Variants in ZDHHC2 observed in about 807,000 individuals in gnomAD.
ZDHHC2 encodes zDHHC palmitoyltransferase 2.
ZDHHC2 carries 51 observed loss-of-function variants against 55.6 expected under a neutral mutation model. That is an observed-to-expected ratio of 0.92 (90% CI 0.73 to 1.16). The LOEUF is 1.16. Ranked by LOEUF, ZDHHC2 falls within the 50% of genes most tolerant of loss-of-function variation. The pLI is 0.00. For synonymous variants in ZDHHC2, 199 were observed against 152.9 expected (o/e 1.30, Z -2.22); for missense variants, 491 against 442.4 (o/e 1.11, Z -0.99).
chr8:17,193,586 G>C (rs1415638091), intron 3 of ZDHHC2, among the ~76,000 whole-genome samples: 1 of 152,236 alleles, frequency 6.6e-6, no homozygotes, highest in Non-Finnish European at 1.5e-5. Flanking sequence ...GCAGTCAGTA[G>C]GTAGCAAAGT....
intron 3 of ZDHHC2, among the ~76,000 whole-genome samples, chr8:17,187,072 A>C (rs952375815): frequency 7.2e-5 from 11 of 152,240 alleles, no homozygotes; most frequent in African/African-American, 2.2e-4. Flanking sequence ...ACTTACATTT[A>C]GAAGTTGGTT....
At chr8:17,168,462 AT>A (rs1006556381) in intron 1 of ZDHHC2, among the ~76,000 whole-genome samples, 2 of 151,822 alleles carry the variant, frequency 1.3e-5, no homozygotes, top group Non-Finnish European at 2.9e-5. Context: ...CCTAGAGCAG[AT>A]TTTTTTTTAT....
intron 1 of ZDHHC2, among the ~76,000 whole-genome samples, chr8:17,170,088 T>C (rs1804784140): frequency 1.3e-5 from 2 of 152,170 alleles, no homozygotes; most frequent in African/African-American, 4.8e-5. Context: ...GTGCTGTAGG[T>C]GAATGCAGTG....
chr8:17,179,024 C>T (rs1444150030), intron 1 of ZDHHC2, among the ~76,000 whole-genome samples: 6 of 152,164 alleles, frequency 3.9e-5, no homozygotes, highest in Non-Finnish European at 1.5e-5. Flanking sequence ...GATCACAGCT[C>T]ACTGCAGCCT....
chr8:17,172,566 G>T (rs985764033), intron 1 of ZDHHC2, among the ~76,000 whole-genome samples: 2 of 152,184 alleles, frequency 1.3e-5, no homozygotes, highest in Admixed American at 6.5e-5. Flanking sequence ...AGTTATTTCA[G>T]AGAGTAGATC....
In ZDHHC2 at chr8:17,221,211, C is replaced by T. The variant is rs1201674870; in HGVS notation, c.*990C>T. 6.6e-6 allele frequency: 1 copy of T among 152,422 alleles called. No homozygotes were observed. The highest frequency in any genetic ancestry group is 1.9e-4 in the East Asian group (1 of 5,186). The allele number at this position is 152,422 out of a possible 1,614,324, so 9.4% of individuals were successfully genotyped here. A position where few individuals can be genotyped will look rare whatever the true frequency, so the allele number is the denominator to read the frequency against. On this transcript the variant is annotated 3_prime_UTR_variant, in exon 13 of 13. Transcript: ENST00000262096. ...TATATTTTTCCTTAAACACCTATTACAGTTAAATTATGCAAATCATTAAAT... is the reference window on the plus strand; with the variant it reads ...TATATTTTTCCTTAAACACCTATTATAGTTAAATTATGCAAATCATTAAAT...
chr8:17,179,133 G>C (rs1002777477), intron 1 of ZDHHC2, among the ~76,000 whole-genome samples: 2 of 151,974 alleles, frequency 1.3e-5, no homozygotes, highest in Non-Finnish European at 2.9e-5. Context: ...AAATTTTTTT[G>C]TAGAGATGAT....
chr8:17,191,413 A>G (rs1332627781), intron 3 of ZDHHC2, among the ~76,000 whole-genome samples: 1 of 152,032 alleles, frequency 6.6e-6, no homozygotes, highest in East Asian at 1.9e-4. Context: ...ATTCTTTCTA[A>G]CTTTTTTGGT....
intron 10 of ZDHHC2, among the ~76,000 whole-genome samples, chr8:17,212,630 T>G (rs372886937): frequency 6.6e-6 from 1 of 152,204 alleles, no homozygotes; most frequent in African/African-American, 2.4e-5. Flanking sequence ...GTTTTCTAAC[T>G]GATGTAACAT....
chr8:17,167,073 C>G (rs1433980460), intron 1 of ZDHHC2, among the ~76,000 whole-genome samples: 1 of 152,108 alleles, frequency 6.6e-6, no homozygotes, highest in Non-Finnish European at 1.5e-5. Context: ...TCTTATAGCC[C>G]TGGTATCTAA....
chr8:17,156,825 C>T lies in ZDHHC2; in HGVS notation c.102C>T (p.Tyr34=). ...VFITLLLGWS[Y]YAYAIQLCIV... is the part of the protein sequence containing the mutation. Reference sequence around the variant, plus strand: ...TCACCCTCCTGCTCGGCTGGTCCTACTACGCCTACGCCATCCAGCTGTGCA... The same window carrying T: ...TCACCCTCCTGCTCGGCTGGTCCTATTACGCCTACGCCATCCAGCTGTGCA... The change falls in exon 1 of 13, where the codon TAC becomes TAT. Residue 34 remains tyrosine (Y), a synonymous_variant. Transcript: ENST00000262096. The T allele has an allele frequency of 3.9e-6, 6 of 1,520,294 alleles. No individual in the cohort carries two copies. The highest frequency in any genetic ancestry group is 5.3e-6 in the Non-Finnish European group (6 of 1,132,590). The allele number at this position is 1,520,294 out of a possible 1,614,324, so 94.2% of individuals were successfully genotyped here.
chr8:17,219,253 A>T (rs1188567089), intron 12 of ZDHHC2, among the ~76,000 whole-genome samples: 4 of 7,862 alleles, frequency 5.1e-4, no homozygotes, highest in East Asian at 3.8e-3. Context: ...GCAAGACTCT[A>T]AAAAAAAAAA....
At chr8:17,190,037 C>T (rs1215133780) in intron 3 of ZDHHC2, among the ~76,000 whole-genome samples, 1 of 151,970 alleles carries the variant, frequency 6.6e-6, no homozygotes, top group East Asian at 1.9e-4. Flanking sequence ...GGTGGGAGTG[C>T]CCAGGACTTC....
At chr8:17,201,089 A>T (rs1484935270) in intron 6 of ZDHHC2, among the ~76,000 whole-genome samples, 2 of 152,198 alleles carry the variant, frequency 1.3e-5, no homozygotes, top group Non-Finnish European at 2.9e-5. Flanking sequence ...TAAATAAAAA[A>T]GTCTATAGGT....
intron 10 of ZDHHC2, among the ~76,000 whole-genome samples, chr8:17,214,663 C>A (rs1222212005): frequency 6.6e-6 from 1 of 152,012 alleles, no homozygotes; most frequent in Non-Finnish European, 1.5e-5. Flanking sequence ...AATCCTAGCA[C>A]TTTGGGAGGC....
intron 1 of ZDHHC2, among the ~76,000 whole-genome samples, chr8:17,175,525 T>C (rs1805085092): frequency 1.3e-5 from 2 of 152,216 alleles, no homozygotes; most frequent in Non-Finnish European, 2.9e-5. Flanking sequence ...AGGAAACTCC[T>C]ACTCCTAACA....
Position 17,170,269 on chromosome 8 carries a change from T to C in ZDHHC2, c.130+13416T>C, listed in dbSNP as rs1011678034. The stretch of plus-strand genomic sequence containing the variant: ...ACTGAAGGGTGAGCTAGTGAATAGC[T>C]GGATACTCTCGAATGTTTTAATAGA... On this transcript the variant is annotated intron_variant, in intron 1 of 12. Coordinates refer to ENST00000262096, the MANE Select transcript of ZDHHC2 (RefSeq NM_016353.5). Among the ~76,000 whole-genome samples the C allele has an allele frequency of 1.3e-5, 2 of 152,252 alleles. 1 individual carries two copies. The highest frequency in any genetic ancestry group is 4.1e-4 in the South Asian group (2 of 4,838).
At chr8:17,200,256 C>T (rs1483300088) in intron 6 of ZDHHC2, among the ~76,000 whole-genome samples, 2 of 152,214 alleles carry the variant, frequency 1.3e-5, no homozygotes, top group Non-Finnish European at 1.5e-5. Context: ...TGGGTAGTTT[C>T]GTTCAGCTCA....
At chr8:17,191,299 G>C (rs1308596628) in intron 3 of ZDHHC2, among the ~76,000 whole-genome samples, 4 of 152,134 alleles carry the variant, frequency 2.6e-5, no homozygotes, top group Admixed American at 2.6e-4. Flanking sequence ...GTTTCGCCAT[G>C]TTGGCCAGGC....
Sources: allele counts gnomAD v4.1 joint callset (sites outside exome capture counted in the v4.1 genomes callset), GRCh38; gene constraint gnomAD v4.1.1; transcripts MANE v1.5; gene names NCBI Gene and HGNC (gene_info 2026-07-23, HGNC 2026-07-21).